The following MTO1 variants were observed in gnomAD, a reference collection of about 807,000 sequenced individuals.
MTO1 encodes the protein 5-taurinomethyluridine-[tRNA] synthase subunit MTO1, mitochondrial.
MTO1 carries 46 observed loss-of-function variants against 71.6 expected under a neutral mutation model. The observed-to-expected ratio is 0.64, with a 90% CI of 0.51 to 0.82. The LOEUF is 0.82. MTO1 is among the 40% of genes least tolerant of loss of function. The pLI is 0.00. For synonymous variants in MTO1, 297 were observed against 312.1 expected, an observed-to-expected ratio of 0.95 and a Z score of 0.51; for missense variants, 773 against 867.5, an observed-to-expected ratio of 0.89 and a Z score of 1.37.
At chr6:73,479,658 T>C (rs1384558091) in intron 4 of MTO1, 74 bp from the exon 5 acceptor site, 1 of 1,183,120 alleles carries the variant, frequency 8.5e-7, no homozygotes, top group East Asian at 2.3e-5. Context: ...GTACGTATCA[T>C]GTGGAATTTA....
At chr6:73,492,968 ATGTGTG>A (rs368351300) in intron 10 of MTO1, among the ~76,000 whole-genome samples, 44 of 67,872 alleles carry the variant, frequency 6.5e-4, no homozygotes, top group Non-Finnish European at 9.4e-4. Context: ...TATATAATAT[ATGTGTG>A]TGTGTGTGTG....
Position 73,480,322 on chromosome 6 carries a change from G to A in MTO1, c.1129+196G>A, listed in dbSNP as rs1458949104. On this transcript the variant is annotated intron_variant, in intron 6 of 11. Coordinates refer to ENST00000498286, the MANE Select transcript of MTO1 (RefSeq NM_012123.4). ...AGTTTTGCTCTTGTTGCCCAGGATG[G>A]AGTGCAATGGTGCGATCTCGGCTCA... 6.8e-6 allele frequency: 5 copies of A among 730,906 alleles called. No individual in the cohort carries two copies. In the South Asian group the frequency reaches 7.4e-5, roughly 11 times the overall value. 45.3% of individuals were successfully genotyped at this position (730,906 alleles called of 1,614,324 possible).
At chr6:73,472,425 GACTA>G (rs142509010) in intron 3 of MTO1, among the ~76,000 whole-genome samples, 1,761 of 152,136 alleles carry the variant, frequency 0.012, 40 homozygotes, top group African/African-American at 0.04. Context: ...AATTAATTGA[GACTA>G]ACTTTTTAGT....
At chr6:73,471,653 A>G (rs1205406916) in intron 3 of MTO1, 2 of 200,962 alleles carry the variant, frequency 1.0e-5, no homozygotes, top group Non-Finnish European at 2.1e-5. Context: ...CCAGGGCTCC[A>G]GTGATCTTCC....
In MTO1 at chr6:73,480,139, A is replaced by G. The variant is rs199879600; in HGVS notation, c.1129+13A>G. The G allele has an allele frequency of 2.0e-5, 33 of 1,612,422 alleles. No homozygotes were observed. The highest frequency in any genetic ancestry group is 2.6e-5 in the Non-Finnish European group (31 of 1,178,706). Reference sequence around the variant, plus strand: ...GTGATTCAGCCAGGTAAAGAAGATCACAAGTGCCCTTCAGTATAAGGTCAG... The same window carrying G: ...GTGATTCAGCCAGGTAAAGAAGATCGCAAGTGCCCTTCAGTATAAGGTCAG... On this transcript the variant is annotated intron_variant, in intron 6 of 11. Transcript: ENST00000498286.
At chr6:73,492,185 C>A in intron 9 of MTO1, 49 bp from the exon 10 acceptor site, 1 of 1,139,302 alleles carries the variant, frequency 8.8e-7, no homozygotes, top group Non-Finnish European at 1.3e-6. Context: ...CTTGATCTGC[C>A]TTATATGACA....
rs763013402 is a variant in MTO1 at position 73,497,816 on chromosome 6, G to C, written c.1837G>C (p.Asp613His). The C allele has an allele frequency of 6.2e-7, 1 of 1,613,886 alleles. No homozygotes were observed. Among genetic ancestry groups the C allele is most frequent in the Admixed American group, 1.7e-5 (1 of 59,994 alleles). ...AGATGAAGCTCTCCAACTGCCAAAAGACCTAGATTATTTGACTATCAGGGA... is the reference window on the plus strand; with the variant it reads ...AGATGAAGCTCTCCAACTGCCAAAACACCTAGATTATTTGACTATCAGGGA... ...QQDEALQLPK[D>H]LDYLTIRDVS... The change falls in exon 11 of 12, where the codon GAC becomes CAC. Residue 613 changes from aspartate (D) to histidine (H), a missense_variant. Transcript: ENST00000498286.
intron 3 of MTO1, among the ~76,000 whole-genome samples, chr6:73,469,598 G>GTA (rs1771091873): frequency 6.6e-6 from 1 of 152,030 alleles, no homozygotes; most frequent in Non-Finnish European, 1.5e-5. Flanking sequence ...CTCCAGCCTG[G>GTA]GCGACAAGAG....
At chr6:73,464,659 TAAA>T (rs765324304) in intron 1 of MTO1, among the ~76,000 whole-genome samples, 1 of 113,866 alleles carries the variant, frequency 8.8e-6, no homozygotes, top group African/African-American at 3.1e-5. Flanking sequence ...CAATAAATAC[TAAA>T]AAAAAAAAAA....
rs146518114 is a variant in MTO1 at position 73,482,296 on chromosome 6, A to G, written c.1465+52A>G. 1.0e-3 allele frequency: 1,638 copies of G among 1,595,806 alleles called. 9 individuals are homozygous for G. The African/African-American group carries it at 0.019, about 18-fold the overall frequency. On this transcript the variant is annotated intron_variant, in intron 8 of 11. Transcript: ENST00000498286. The stretch of plus-strand genomic sequence containing the variant: ...CAGCCAGGCATGGTGGCTCACACCT[A>G]TAATCCAAGCAATTTGAGAGACCAA...
In MTO1 at chr6:73,480,299, T is replaced by G. The variant is rs188288090; in HGVS notation, c.1129+173T>G. The G allele has an allele frequency of 1.2e-5, 10 of 810,106 alleles. No individual in the cohort carries two copies. The East Asian group carries it at 2.7e-4, about 22-fold the overall frequency. 50.2% of individuals were successfully genotyped at this position (810,106 alleles called of 1,614,324 possible). A position where few individuals can be genotyped will look rare whatever the true frequency, so the allele number is the denominator to read the frequency against. ...TTTGTTTGTTTGTTTTGAGACGGAGTTTTGCTCTTGTTGCCCAGGATGGAG... is the reference window on the plus strand; with the variant it reads ...TTTGTTTGTTTGTTTTGAGACGGAGGTTTGCTCTTGTTGCCCAGGATGGAG... On this transcript the variant is annotated intron_variant, in intron 6 of 11. Transcript: ENST00000498286.
At chr6:73,468,374 G>A (rs79924369) in intron 3 of MTO1, among the ~76,000 whole-genome samples, 11 of 151,690 alleles carry the variant, frequency 7.3e-5, no homozygotes, top group South Asian at 4.2e-4. Flanking sequence ...CCACCTCAGC[G>A]TCTGAAAATG....
At chr6:73,477,718 G>C (rs1185924131) in intron 4 of MTO1, among the ~76,000 whole-genome samples, 2 of 151,734 alleles carry the variant, frequency 1.3e-5, no homozygotes, top group Non-Finnish European at 2.9e-5. Flanking sequence ...TGTCACCCAG[G>C]CTGGTCTCAA....
Position 73,482,179 on chromosome 6 carries a change from C to T in MTO1, c.1400C>T (p.Thr467Ile). Residue 467 changes from threonine to isoleucine, a missense_variant, in exon 8 of 12, where the codon ACC becomes ATC. Coordinates refer to ENST00000498286, the MANE Select transcript of MTO1 (RefSeq NM_012123.4). ...LGTSEPYRMF[T>I]SRVEFRLSLR... ...ACCAGTGAACCATACCGCATGTTTACCAGCCGAGTAGAGTTCCGTTTGTCA... is the reference window on the plus strand; with the variant it reads ...ACCAGTGAACCATACCGCATGTTTATCAGCCGAGTAGAGTTCCGTTTGTCA... 1.9e-6 allele frequency: 3 copies of T among 1,614,162 alleles called. No homozygotes were observed. Among genetic ancestry groups the T allele is most frequent in the Non-Finnish European group, 2.5e-6 (3 of 1,180,038 alleles).
In MTO1 at chr6:73,504,862, G is replaced by T. The variant is rs1487727480; in HGVS notation, c.*4127G>T. 6.6e-6 allele frequency: 1 copy of T among 152,076 alleles called. No individual in the cohort carries two copies. Among genetic ancestry groups the T allele is most frequent in the Admixed American group, 6.6e-5 (1 of 15,250 alleles). The allele number at this position is 152,076 out of a possible 1,614,324, so 9.4% of individuals were successfully genotyped here. ...TAGCATGCCACCACACTCCAGCCTG[G>T]GCAACAGAGTGAGACCCTGCCTGAA... On this transcript the variant is annotated 3_prime_UTR_variant, in exon 12 of 12. Coordinates refer to ENST00000498286, the MANE Select transcript of MTO1 (RefSeq NM_012123.4).
At chr6:73,494,541 A>G (rs1000734296) in intron 10 of MTO1, among the ~76,000 whole-genome samples, 4 of 150,064 alleles carry the variant, frequency 2.7e-5, no homozygotes, top group African/African-American at 9.9e-5. Flanking sequence ...CAGTGGCGCA[A>G]TTTTGGCTCA....
intron 6 of MTO1, 137 bp downstream of exon 6, chr6:73,480,263 T>G: frequency 1.1e-6 from 1 of 936,512 alleles, no homozygotes; most frequent in Non-Finnish European, 1.7e-6. Flanking sequence ...AAATAGTCTG[T>G]TTTTTGTTTG....
intron 4 of MTO1, among the ~76,000 whole-genome samples, chr6:73,476,248 C>T (rs1365047584): frequency 1.3e-5 from 2 of 151,512 alleles, no homozygotes. Context: ...GTGGCTCATG[C>T]CTGTAATCCC....
chr6:73,482,784 T>C (rs1561947526), intron 9 of MTO1, among the ~76,000 whole-genome samples, 164 bp downstream of exon 9: 2 of 117,750 alleles, frequency 1.7e-5, no homozygotes, highest in African/African-American at 3.0e-5. Context: ...TCATCTTTTT[T>C]CTTTCTTTTT....
Sources: gnomAD v4.1 joint callset for allele counts (sites outside exome capture counted in the v4.1 genomes callset) on GRCh38, gnomAD v4.1.1 for gene constraint, MANE v1.5 for transcripts, NCBI Gene and HGNC (gene_info 2026-07-23, HGNC 2026-07-21) for gene names.